Variants in CDC5L observed in about 807,000 individuals in gnomAD.
The protein encoded by CDC5L is cell division cycle 5 like, also known as cell division cycle 5-like protein.
A neutral mutation model predicts 104.1 loss-of-function variants in CDC5L; 18 were observed. The ratio of observed to expected loss-of-function variants is 0.17; its 90% confidence interval spans 0.12 to 0.26. The LOEUF is 0.26. CDC5L is among the 10% of genes least tolerant of loss of function. CDC5L has a pLI of 1.00. For missense variants in CDC5L, 673 were observed against 956.9 expected, an observed-to-expected ratio of 0.70 and a Z score of 3.91; for synonymous variants, 331 against 322.7, an observed-to-expected ratio of 1.03 and a Z score of -0.28.
chr6:44,398,682 T>C (rs936674722), intron 5 of CDC5L, among the ~76,000 whole-genome samples: 7 of 152,266 alleles, frequency 4.6e-5, no homozygotes, highest in Non-Finnish European at 1.0e-4. Flanking sequence ...TATAATGCTA[T>C]ATGGCTTGGT....
At chr6:44,392,592 C>T in intron 2 of CDC5L, 75 bp from the exon 3 acceptor site, 2 of 1,280,038 alleles carry the variant, frequency 1.6e-6, no homozygotes, top group Non-Finnish European at 2.2e-6. Context: ...GAGCACAAGT[C>T]AGTGTATCCA....
intron 4 of CDC5L, among the ~76,000 whole-genome samples, chr6:44,395,411 A>T (rs1790825261): frequency 6.6e-6 from 1 of 152,224 alleles, no homozygotes; most frequent in South Asian, 2.1e-4. Flanking sequence ...TTGGATTTTC[A>T]ACCCGTGTGT....
intron 2 of CDC5L, 22 bp from the exon 3 acceptor site, chr6:44,392,645 T>G: frequency 6.2e-7 from 1 of 1,604,530 alleles, no homozygotes; most frequent in Non-Finnish European, 8.5e-7. Context: ...GATTAATATA[T>G]AAAATGATCT....
At chr6:44,432,137 T>G (rs1385707058) in intron 14 of CDC5L, among the ~76,000 whole-genome samples, 6 of 152,258 alleles carry the variant, frequency 3.9e-5, no homozygotes, top group Non-Finnish European at 8.8e-5. Flanking sequence ...TATCCATCAC[T>G]AATTCAGAAC....
chr6:44,394,448 A>G (rs1224338779), intron 4 of CDC5L, among the ~76,000 whole-genome samples: 2 of 152,184 alleles, frequency 1.3e-5, no homozygotes, highest in African/African-American at 4.8e-5. Flanking sequence ...TGAGAAGGCA[A>G]CCTGTGAGAC....
chr6:44,388,890 C>T (rs899365760), intron 1 of CDC5L, among the ~76,000 whole-genome samples: 5 of 151,792 alleles, frequency 3.3e-5, no homozygotes, highest in African/African-American at 1.2e-4. Flanking sequence ...AGTTTCTTAA[C>T]TTCTGAAAGC....
At chr6:44,446,533 A>G (rs1398980640) in intron 15 of CDC5L, 74 bp from the exon 16 acceptor site, 3 of 593,602 alleles carry the variant, frequency 5.1e-6, no homozygotes, top group Non-Finnish European at 8.5e-6. Flanking sequence ...GCTGGTTTTT[A>G]AGATAATAAA....
At chr6:44,422,841 A>T in intron 10 of CDC5L, 32 bp downstream of exon 10, 4 of 1,497,638 alleles carry the variant, frequency 2.7e-6, no homozygotes, top group Non-Finnish European at 2.7e-6. Context: ...ATACTCTTAA[A>T]TTTTTTTTTA....
intron 5 of CDC5L, among the ~76,000 whole-genome samples, chr6:44,397,518 C>G (rs11571937): frequency 0.022 from 3,415 of 152,264 alleles, 60 homozygotes; most frequent in Non-Finnish European, 0.034. Flanking sequence ...AAAATTGAAG[C>G]TATGGCAGAG....
rs566835655 is a variant in CDC5L, at chr6:44,422,893, A to G, written c.1404+84A>G. 4 of 797,612 alleles carry G rather than the reference A, an allele frequency of 5.0e-6. No homozygotes were observed. In the South Asian group the frequency reaches 5.4e-5, roughly 11 times the overall value. The allele number at this position is 797,612 out of a possible 1,614,324, so 49.4% of individuals were successfully genotyped here. A position where few individuals can be genotyped will look rare whatever the true frequency, so the allele number is the denominator to read the frequency against. Reference sequence around the variant, plus strand: ...AAATTAAAATTTCTCCTGTTAGTGCATATCACATATACCTTAAGAATCTAT... The same window carrying G: ...AAATTAAAATTTCTCCTGTTAGTGCGTATCACATATACCTTAAGAATCTAT... On this transcript the variant is annotated intron_variant, in intron 10 of 15. Transcript: ENST00000371477.
chr6:44,426,313 A>C, intron 12 of CDC5L, 130 bp downstream of exon 12: 1 of 775,400 alleles, frequency 1.3e-6, no homozygotes, highest in East Asian at 2.7e-5. Flanking sequence ...AGTAGTTCTC[A>C]AATCCAATCT....
intron 14 of CDC5L, among the ~76,000 whole-genome samples, chr6:44,436,330 T>A (rs1312169731): frequency 6.6e-6 from 1 of 152,200 alleles, no homozygotes; most frequent in Admixed American, 6.5e-5. Flanking sequence ...GAGGAATGTC[T>A]GAAGTTTTAG....
chr6:44,428,550 A>G (rs918267665), intron 13 of CDC5L, among the ~76,000 whole-genome samples: 1 of 152,164 alleles, frequency 6.6e-6, no homozygotes, highest in African/African-American at 2.4e-5. Flanking sequence ...TAACAAACAC[A>G]TCTGATCTAA....
At chr6:44,412,405 T>A (rs1049353222) in intron 8 of CDC5L, among the ~76,000 whole-genome samples, 1 of 151,690 alleles carries the variant, frequency 6.6e-6, no homozygotes, top group Non-Finnish European at 1.5e-5. Context: ...TTTTTACTTT[T>A]AGTAGAGACA....
At chr6:44,439,576 G>A (rs994709069) in intron 14 of CDC5L, among the ~76,000 whole-genome samples, 1 of 152,174 alleles carries the variant, frequency 6.6e-6, no homozygotes, top group African/African-American at 2.4e-5. Context: ...TCCTTGCTGT[G>A]TTTCCAGGAA....
At position 44,392,569 on chromosome 6, in the gene CDC5L, A is replaced by C. The variant is rs552593060; in HGVS notation, c.150-98A>C. ...TGTTGTCAAAAAGAACAGTTTTTGT[A>C]ATTGAAGGATGAGAGCACAAGTCAG... On this transcript the variant is annotated intron_variant, in intron 2 of 15. Transcript: ENST00000371477. The C allele has an allele frequency of 7.6e-6, 8 of 1,055,072 alleles. No individual in the cohort carries two copies. The East Asian group carries it at 1.6e-4, about 21-fold the overall frequency. 65.4% of individuals were successfully genotyped at this position (1,055,072 alleles called of 1,614,324 possible).
In CDC5L at chr6:44,387,771, A is replaced by G; in HGVS notation, c.-53A>G. 6.7e-7 allele frequency: 1 copy of G among 1,501,500 alleles called. No individual in the cohort carries two copies. The allele number at this position is 1,501,500 out of a possible 1,614,324, so 93.0% of individuals were successfully genotyped here. A position where few individuals can be genotyped will look rare whatever the true frequency, so the allele number is the denominator to read the frequency against. On this transcript the variant is annotated 5_prime_UTR_variant, in exon 1 of 16. Coordinates refer to ENST00000371477, the MANE Select transcript of CDC5L (RefSeq NM_001253.4). ...TGAGTCCGGTGGCCCAATCGCTGTT[A>G]CTACTTCTCTGAAGCTCCTCTCGGC...
intron 1 of CDC5L, 75 bp downstream of exon 1, chr6:44,387,943 G>T (rs1340449792): frequency 1.2e-5 from 18 of 1,452,196 alleles, no homozygotes; most frequent in Middle Eastern, 1.8e-4. Flanking sequence ...CGGAGGTCGG[G>T]GGGGCGACGA....
chr6:44,408,313 G>T (rs1791467643), intron 7 of CDC5L, 131 bp from the exon 8 acceptor site: 1 of 506,746 alleles, frequency 2.0e-6, no homozygotes. Context: ...TGTTGCCCAG[G>T]TAGGTCCCGA....
Sources: gnomAD v4.1 joint callset for allele counts (sites outside exome capture counted in the v4.1 genomes callset) on GRCh38, gnomAD v4.1.1 for gene constraint, MANE v1.5 for transcripts, NCBI Gene and HGNC (gene_info 2026-07-23, HGNC 2026-07-21) for gene names.